Variants in SLC14A2 observed in about 807,000 individuals in gnomAD.
SLC14A2 encodes solute carrier family 14 member 2.
A neutral mutation model predicts 104.6 loss-of-function variants in SLC14A2; 91 were observed. The observed-to-expected ratio is 0.87, with a 90% CI of 0.73 to 1.04. The LOEUF is 1.04. Ranked by LOEUF, SLC14A2 falls within the 50% of genes least tolerant of loss-of-function variation. SLC14A2 has a pLI of 0.00. For synonymous variants in SLC14A2, 476 were observed against 466.4 expected (o/e 1.02, Z -0.27); for missense variants, 1,189 against 1,156.0 (o/e 1.03, Z -0.41).
chr18:45,364,238 T>G (rs548209865), intron 1 of SLC14A2, among the ~76,000 whole-genome samples: 5 of 152,078 alleles, frequency 3.3e-5, no homozygotes, highest in African/African-American at 9.6e-5. Flanking sequence ...CATATACTTC[T>G]GGTATTCCCT....
At chr18:45,201,920 G>A in the SLC14A2 span, among the ~76,000 whole-genome samples, 1,179 of 152,170 alleles carry the variant, frequency 7.7e-3, 24 homozygotes, top group African/African-American at 0.027. Flanking sequence ...AGATAACACA[G>A]AATTTCACCC....
In SLC14A2 at chr18:45,620,239, C is replaced by T. The variant is rs1413706510; in HGVS notation, c.-34-4392C>T. Among the ~76,000 whole-genome samples the T allele has an allele frequency of 2.0e-5, 3 of 152,326 alleles. No homozygotes were observed. The East Asian group carries it at 5.8e-4, about 29-fold the overall frequency. On this transcript the variant is annotated intron_variant, in intron 1 of 19. Coordinates refer to ENST00000255226, the MANE Select transcript of SLC14A2 (RefSeq NM_007163.4). ...CTGGACCCAGGCGCTCAAGGGCCAGCCACTCGGCTGTGCATGGCCCAGCCA... is the reference window on the plus strand; with the variant it reads ...CTGGACCCAGGCGCTCAAGGGCCAGTCACTCGGCTGTGCATGGCCCAGCCA...
At chr18:45,315,598 A>T (rs924058208) in intron 1 of SLC14A2, among the ~76,000 whole-genome samples, 1 of 152,116 alleles carries the variant, frequency 6.6e-6, no homozygotes, top group African/African-American at 2.4e-5. Context: ...TCTCAGAACC[A>T]TCCCATCCCA....
At chr18:45,225,172 G>T (rs2084102126) in intron 1 of SLC14A2, among the ~76,000 whole-genome samples, 1 of 152,174 alleles carries the variant, frequency 6.6e-6, no homozygotes, top group East Asian at 1.9e-4. Context: ...TTTTGTATAA[G>T]GTGTAAGGAA....
chr18:45,676,353 T>C (rs1355108310), intron 18 of SLC14A2, among the ~76,000 whole-genome samples: 1 of 152,122 alleles, frequency 6.6e-6, no homozygotes, highest in Non-Finnish European at 1.5e-5. Flanking sequence ...ATAACTTCTG[T>C]CCAGAGTCTC....
chr18:45,619,290 C>G (rs140456566), intron 1 of SLC14A2, among the ~76,000 whole-genome samples: 1 of 152,362 alleles, frequency 6.6e-6, no homozygotes, highest in East Asian at 1.9e-4. Context: ...TCTGCACCGC[C>G]CTCTTGCCCT....
In SLC14A2 at chr18:45,556,442, C is replaced by A. The variant is rs1013266289; in HGVS notation, c.-34-68189C>A. 3.9e-5 allele frequency among the ~76,000 whole-genome samples: 6 copies of A among 152,280 alleles called. 1 individual carries two copies. The highest frequency in any genetic ancestry group is 3.9e-4 in the Admixed American group (6 of 15,298). ...AAAATTCTCTTATCAGCATCCCTGA[C>A]AAGTCTTCCTTTATGCCTTGTGTAG... On this transcript the variant is annotated intron_variant, in intron 2 of 20. Transcript: ENST00000586448.
chr18:45,664,209 G>T (rs771908331), intron 11 of SLC14A2, among the ~76,000 whole-genome samples: 2 of 152,192 alleles, frequency 1.3e-5, no homozygotes, highest in African/African-American at 2.4e-5. Flanking sequence ...AGCAGCCTGG[G>T]TGGGCATCAG....
intron 1 of SLC14A2, among the ~76,000 whole-genome samples, chr18:45,481,945 G>T (rs1389360777): frequency 3.9e-5 from 6 of 152,166 alleles, no homozygotes; most frequent in African/African-American, 1.2e-4. Flanking sequence ...CTGGGTTCTT[G>T]TTTGGGGCTT....
At chr18:45,475,655 A>T (rs370490736) in intron 1 of SLC14A2, among the ~76,000 whole-genome samples, 145 of 53,454 alleles carry the variant, frequency 2.7e-3, no homozygotes, top group East Asian at 0.013. Flanking sequence ...ATATATATAT[A>T]TATATATATA....
At chr18:45,561,152 G>C (rs2044196031) in intron 2 of SLC14A2, among the ~76,000 whole-genome samples, 1 of 152,162 alleles carries the variant, frequency 6.6e-6, no homozygotes, top group African/African-American at 2.4e-5. Context: ...AGCCACAGTG[G>C]CCTGGACCAG....
intron 1 of SLC14A2, among the ~76,000 whole-genome samples, chr18:45,369,075 G>C (rs2085695811): frequency 6.6e-6 from 1 of 152,108 alleles, no homozygotes; most frequent in Non-Finnish European, 1.5e-5. Context: ...AAGTGAAAGT[G>C]ATTATTCTGC....
intron 1 of SLC14A2, among the ~76,000 whole-genome samples, chr18:45,266,456 A>G (rs1343955028): frequency 6.6e-6 from 1 of 152,050 alleles, no homozygotes; most frequent in Non-Finnish European, 1.5e-5. Flanking sequence ...GGATCTTTTC[A>G]TTTACATTCT....
At chr18:45,625,577 A>C in intron 2 of SLC14A2, 106 bp from the exon 3 acceptor site, 1 of 881,282 alleles carries the variant, frequency 1.1e-6, no homozygotes, top group Non-Finnish European at 1.7e-6. Context: ...CCTTTGTCTC[A>C]TGATCCTTTA....
chr18:45,171,309 G>A, the SLC14A2 span, among the ~76,000 whole-genome samples: 14 of 151,990 alleles, frequency 9.2e-5, 1 homozygote, highest in East Asian at 1.4e-3. Flanking sequence ...CTAGGGCTTC[G>A]TGGATGTAAA....
intron 1 of SLC14A2, among the ~76,000 whole-genome samples, chr18:45,294,570 T>G (rs762694407): frequency 6.6e-6 from 1 of 152,274 alleles, no homozygotes. Context: ...CAATGTGGCA[T>G]GCTTGGGCCC....
At chr18:45,631,365 C>A (rs1473937673) in intron 4 of SLC14A2, among the ~76,000 whole-genome samples, 2 of 152,214 alleles carry the variant, frequency 1.3e-5, no homozygotes, top group Non-Finnish European at 2.9e-5. Flanking sequence ...CCTCCCTCAC[C>A]CACAGCCTAT....
chr18:45,326,083 C>T (rs1176596413), intron 1 of SLC14A2, among the ~76,000 whole-genome samples: 2 of 152,232 alleles, frequency 1.3e-5, no homozygotes, highest in Admixed American at 6.5e-5. Context: ...CTCCTGATTT[C>T]TAGCTGGATG....
At chr18:45,411,823 A>G (rs980277179) in intron 1 of SLC14A2, among the ~76,000 whole-genome samples, 6 of 152,120 alleles carry the variant, frequency 3.9e-5, no homozygotes, top group Admixed American at 3.9e-4. Context: ...CCCCTGGTAC[A>G]AAGGTCCGCA....
Sources: gnomAD v4.1 joint callset for allele counts (sites outside exome capture counted in the v4.1 genomes callset) on GRCh38, gnomAD v4.1.1 for gene constraint, MANE v1.5 for transcripts, NCBI Gene and HGNC (gene_info 2026-07-23, HGNC 2026-07-21) for gene names.